Variants in NTNG1 observed in about 807,000 individuals in gnomAD.
NTNG1 encodes netrin G1.
A neutral mutation model predicts 54.0 loss-of-function variants in NTNG1; 16 were observed. The ratio of observed to expected loss-of-function variants is 0.30; its 90% CI spans 0.20 to 0.45. NTNG1 has a LOEUF of 0.45. Ranked by LOEUF, NTNG1 falls within the 20% of genes least tolerant of loss-of-function variation. The pLI is 1.00. For synonymous variants in NTNG1, 255 were observed against 263.1 expected (o/e 0.97, Z 0.30); for missense variants, 530 against 678.7 (o/e 0.78, Z 2.43).
At chr1:107,172,654 G>A (rs767089156) in intron 2 of NTNG1, among the ~76,000 whole-genome samples, 10 of 152,088 alleles carry the variant, frequency 6.6e-5, no homozygotes, top group African/African-American at 1.9e-4. Flanking sequence ...GGGCTGTGGC[G>A]AATACTGACT....
intron 4 of NTNG1, among the ~76,000 whole-genome samples, chr1:107,400,918 G>T (rs1363443685): frequency 6.6e-6 from 1 of 152,168 alleles, no homozygotes; most frequent in East Asian, 1.9e-4. Flanking sequence ...CCAAAGTGCT[G>T]GGATTACAGG....
chr1:107,292,909 G>T (rs1455321246), intron 2 of NTNG1, among the ~76,000 whole-genome samples: 1 of 152,066 alleles, frequency 6.6e-6, no homozygotes, highest in Non-Finnish European at 1.5e-5. Flanking sequence ...CCTTCCTTTT[G>T]TTCGTGCTCT....
chr1:107,212,422 G>T (rs971669533), intron 2 of NTNG1, among the ~76,000 whole-genome samples: 2 of 152,080 alleles, frequency 1.3e-5, no homozygotes, highest in Admixed American at 1.3e-4. Context: ...AAAGATTACA[G>T]GTCTTATCCA....
intron 2 of NTNG1, among the ~76,000 whole-genome samples, chr1:107,222,939 A>T (rs576041621): frequency 6.6e-6 from 1 of 152,054 alleles, no homozygotes; most frequent in South Asian, 2.1e-4. Context: ...TGGGGAAAGA[A>T]ATTATAGATG....
chr1:107,174,098 C>A (rs1441228362), intron 2 of NTNG1, among the ~76,000 whole-genome samples: 2 of 152,092 alleles, frequency 1.3e-5, no homozygotes, highest in African/African-American at 4.8e-5. Flanking sequence ...TCACCTTAAT[C>A]GAATCACTAA....
chr1:107,309,423 T>C (rs922105180), intron 2 of NTNG1, among the ~76,000 whole-genome samples: 3 of 152,194 alleles, frequency 2.0e-5, no homozygotes, highest in South Asian at 2.1e-4. Context: ...ATACAATTGA[T>C]TCTTTAATTT....
chr1:107,185,567 C>G (rs1244772349), intron 2 of NTNG1, among the ~76,000 whole-genome samples: 1 of 152,162 alleles, frequency 6.6e-6, no homozygotes, highest in African/African-American at 2.4e-5. Context: ...AACCGTATTT[C>G]TAAAGAAGGT....
chr1:107,214,488 A>G (rs1050180255), intron 2 of NTNG1, among the ~76,000 whole-genome samples: 1 of 152,180 alleles, frequency 6.6e-6, no homozygotes, highest in Non-Finnish European at 1.5e-5. Context: ...CATGGTATGT[A>G]TATAAGCCAC....
At chr1:107,333,550 C>T (rs1224375300) in intron 3 of NTNG1, among the ~76,000 whole-genome samples, 3 of 151,908 alleles carry the variant, frequency 2.0e-5, no homozygotes, top group Admixed American at 6.6e-5. Flanking sequence ...TATATTAGTA[C>T]CCATAAACGA....
intron 2 of NTNG1, among the ~76,000 whole-genome samples, chr1:107,174,320 C>T (rs539244433): frequency 8.5e-4 from 130 of 152,192 alleles, no homozygotes; most frequent in African/African-American, 3.0e-3. Context: ...TGAGCTGAAT[C>T]CCTTACTCCT....
chr1:107,333,807 T>C (rs1294935036), intron 3 of NTNG1: 1 of 149,406 alleles, frequency 6.7e-6, no homozygotes, highest in Non-Finnish European at 1.5e-5. Flanking sequence ...CTAACCTCAA[T>C]GAAGAGTATC....
chr1:107,253,729 G>T (rs1387041916), intron 2 of NTNG1, among the ~76,000 whole-genome samples: 2 of 152,024 alleles, frequency 1.3e-5, no homozygotes, highest in Non-Finnish European at 2.9e-5. Flanking sequence ...TGTCCTTTTT[G>T]TTTTACCCTG....
intron 2 of NTNG1, among the ~76,000 whole-genome samples, chr1:107,280,468 C>A (rs1385327429): frequency 2.6e-5 from 4 of 151,842 alleles, no homozygotes; most frequent in South Asian, 2.1e-4. Flanking sequence ...AGAATTATTT[C>A]TGTTTCCTTC....
chr1:107,193,660 G>A (rs1345411721), intron 2 of NTNG1, among the ~76,000 whole-genome samples: 2 of 151,906 alleles, frequency 1.3e-5, no homozygotes, highest in African/African-American at 4.8e-5. Flanking sequence ...TCCAAGTGAA[G>A]GTTCAGGCAT....
chr1:107,334,058 C>T (rs1668436197), intron 3 of NTNG1: 1 of 151,808 alleles, frequency 6.6e-6, no homozygotes. Context: ...GATTTTTATT[C>T]CTCCCATATG....
chr1:107,202,587 T>G (rs1658841006), intron 2 of NTNG1, among the ~76,000 whole-genome samples: 1 of 151,888 alleles, frequency 6.6e-6, no homozygotes, highest in African/African-American at 2.4e-5. Context: ...TTCTACTCTT[T>G]TTTCCCTTTC....
In NTNG1 at chr1:107,431,248, AACTTAAG is replaced by A. The variant is rs144299203; in HGVS notation, c.1255+332_1255+338del. The stretch of plus-strand genomic sequence containing the variant: ...ATTCTGAACTGATCTTATAGCCTTA[AACTTAAG>A]GCTATACATTCAACTTTCAAAATAG... On this transcript the variant is annotated intron_variant, in intron 6 of 7. Transcript: ENST00000370068. Among the ~76,000 whole-genome samples the A allele has an allele frequency of 5.7e-3, 871 of 152,112 alleles. 11 individuals carry two copies. The highest frequency in any genetic ancestry group is 0.02 in the African/African-American group (832 of 41,530).
intron 7 of NTNG1, among the ~76,000 whole-genome samples, chr1:107,448,472 T>C (rs912643001): frequency 1.3e-5 from 2 of 152,090 alleles, no homozygotes; most frequent in African/African-American, 4.8e-5. Flanking sequence ...ATGATCAGCA[T>C]CACTTGGGAA....
chr1:107,179,944 A>G lies in NTNG1; in HGVS notation c.246+31105A>G, dbSNP rs114736015. Among the ~76,000 whole-genome samples, 343 of 152,254 alleles carry G rather than the reference A, an allele frequency of 2.3e-3. 3 individuals carry two copies. The highest frequency in any genetic ancestry group is 7.7e-3 in the African/African-American group (319 of 41,550). On this transcript the variant is annotated intron_variant, in intron 2 of 7. Transcript: ENST00000370068. ...GCATGTCAGGAAATGGTTGTCCAAT[A>G]TGCAAGATTGCAAAAGCTCCACTTT... is the stretch of plus-strand genomic sequence containing the variant.
Sources: allele counts gnomAD v4.1 joint callset (sites outside exome capture counted in the v4.1 genomes callset), GRCh38; gene constraint gnomAD v4.1.1; transcripts MANE v1.5; gene names NCBI Gene and HGNC (gene_info 2026-07-23, HGNC 2026-07-21).